Variants in MAD1L1 observed in about 807,000 individuals in gnomAD.
MAD1L1 encodes the protein mitotic arrest deficient 1 like 1, also known as mitotic spindle assembly checkpoint protein MAD1.
Under a neutral mutation model 96.9 loss-of-function variants are expected in MAD1L1, and 95 were observed. That is an observed-to-expected ratio of 0.98 (90% CI 0.83 to 1.16). MAD1L1 has a LOEUF of 1.16. MAD1L1 is among the 50% of genes most tolerant of loss of function. The pLI is 0.00. For synonymous variants in MAD1L1, 473 were observed against 396.6 expected, an observed-to-expected ratio of 1.19 and a Z score of -2.29; for missense variants, 1,007 against 954.4, an observed-to-expected ratio of 1.06 and a Z score of -0.73.
intron 17 of MAD1L1, among the ~76,000 whole-genome samples, chr7:1,900,957 T>C (rs1382574384): frequency 6.6e-6 from 1 of 151,938 alleles, no homozygotes; most frequent in Non-Finnish European, 1.5e-5. Flanking sequence ...CCACCACCCA[T>C]GCGGCTGGGA....
intron 12 of MAD1L1, among the ~76,000 whole-genome samples, chr7:2,056,004 A>AAAT (rs1562644019): frequency 3.3e-5 from 5 of 152,182 alleles, no homozygotes; most frequent in African/African-American, 1.2e-4. Context: ...AATAAATAAA[A>AAAT]AACACAAATC....
chr7:1,827,629 C>G (rs7776506), intron 18 of MAD1L1, among the ~76,000 whole-genome samples: 623 of 46,530 alleles, frequency 0.013, 46 homozygotes, highest in African/African-American at 0.038. Context: ...TCCTGAGCCC[C>G]GCCCGGGTGT....
chr7:2,119,413 C>T lies in MAD1L1; in HGVS notation c.1073+29739G>A, dbSNP rs983098360. On this transcript the variant is annotated intron_variant, in intron 11 of 18. Coordinates refer to ENST00000265854, the MANE Select transcript of MAD1L1 (RefSeq NM_001013836.2). The surrounding 1 kb of genome is among the most constrained non-coding windows in gnomAD (Gnocchi z 4.6). ...GAGTCCTCCATCTCCCACCCAGATG[C>T]GATGAGCAGGAGCTGTCGTGGGGCG... Among the ~76,000 whole-genome samples the T allele has an allele frequency of 2.0e-5, 3 of 152,296 alleles. No individual in the cohort carries two copies. The highest frequency in any genetic ancestry group is 1.9e-4 in the East Asian group (1 of 5,180).
intron 12 of MAD1L1, among the ~76,000 whole-genome samples, chr7:2,050,297 G>GA (rs1318705519): frequency 1.3e-5 from 2 of 152,248 alleles, no homozygotes; most frequent in Non-Finnish European, 2.9e-5. Flanking sequence ...TATGAGGCCA[G>GA]ACCAGAAACC....
intron 18 of MAD1L1, among the ~76,000 whole-genome samples, chr7:1,855,847 C>A (rs187270199): frequency 6.6e-6 from 1 of 152,200 alleles, no homozygotes; most frequent in African/African-American, 2.4e-5. Flanking sequence ...CTGCACCCCA[C>A]TCTTGGTACC....
intron 12 of MAD1L1, among the ~76,000 whole-genome samples, chr7:2,023,849 C>T (rs576634127): frequency 1.8e-4 from 28 of 151,740 alleles, no homozygotes; most frequent in Admixed American, 8.5e-4. Context: ...CTTGGAAGAC[C>T]GAGGCAGGAG....
At chr7:2,215,161 G>A (rs570603151) in intron 9 of MAD1L1, among the ~76,000 whole-genome samples, 2 of 152,164 alleles carry the variant, frequency 1.3e-5, no homozygotes, top group South Asian at 2.1e-4. Context: ...GGTGGATCAC[G>A]AGTTCCAAGA....
intron 17 of MAD1L1, among the ~76,000 whole-genome samples, chr7:1,901,593 C>G (rs1021514838): frequency 5.9e-5 from 9 of 152,254 alleles, no homozygotes; most frequent in African/African-American, 2.2e-4. Context: ...CTGCCCAGCC[C>G]GGCTCGCTGT....
intron 11 of MAD1L1, among the ~76,000 whole-genome samples, chr7:2,120,305 C>G (rs960069128): frequency 1.3e-5 from 2 of 152,248 alleles, no homozygotes; most frequent in East Asian, 3.9e-4. Flanking sequence ...TAAAGTCTGA[C>G]CCAGCTCAAC....
intron 14 of MAD1L1, among the ~76,000 whole-genome samples, chr7:1,985,646 A>G (rs1781105435): frequency 2.6e-5 from 4 of 152,232 alleles, no homozygotes; most frequent in Non-Finnish European, 4.4e-5. Context: ...TTTTGAATAC[A>G]TGACATGTAG....
chr7:1,828,474 G>T (rs1172310648), intron 18 of MAD1L1, among the ~76,000 whole-genome samples: 1 of 152,210 alleles, frequency 6.6e-6, no homozygotes, highest in African/African-American at 2.4e-5. Flanking sequence ...CTCACACTGG[G>T]CTGGACCAGT....
chr7:2,218,079 G>T (rs745906960), intron 6 of MAD1L1, 36 bp from the exon 7 acceptor site: 1 of 1,535,544 alleles, frequency 6.5e-7, no homozygotes, highest in Non-Finnish European at 9.0e-7. Flanking sequence ...ACAGAAACAG[G>T]CATGCGGCAA....
intron 14 of MAD1L1, among the ~76,000 whole-genome samples, chr7:1,998,045 C>G (rs756875599): frequency 3.3e-5 from 5 of 152,092 alleles, no homozygotes; most frequent in African/African-American, 1.2e-4. Context: ...GTGCTGCGTA[C>G]GATGAATAAG....
At chr7:2,085,199 G>C (rs755611640) in intron 11 of MAD1L1, among the ~76,000 whole-genome samples, 1 of 152,208 alleles carries the variant, frequency 6.6e-6, no homozygotes, top group Non-Finnish European at 1.5e-5. Context: ...CACCCACTGT[G>C]TATCAGCCAC....
At chr7:1,947,148 G>A (rs932600184) in intron 16 of MAD1L1, among the ~76,000 whole-genome samples, 7 of 152,218 alleles carry the variant, frequency 4.6e-5, no homozygotes, top group Non-Finnish European at 1.0e-4. Context: ...GGAAAGCCCT[G>A]AGCCCACGCC....
chr7:2,025,787 G>A (rs1428818778), intron 12 of MAD1L1, among the ~76,000 whole-genome samples: 1 of 152,128 alleles, frequency 6.6e-6, no homozygotes, highest in African/African-American at 2.4e-5. Context: ...AGGAAAAGAA[G>A]TATTAATTTT....
intron 11 of MAD1L1, among the ~76,000 whole-genome samples, chr7:2,140,686 A>C (rs1383218016): frequency 6.6e-6 from 1 of 152,202 alleles, no homozygotes; most frequent in Non-Finnish European, 1.5e-5. Context: ...TCCATGCCCA[A>C]CCTCGGCTGG....
chr7:2,084,142 G>T (rs1331906464), intron 11 of MAD1L1, among the ~76,000 whole-genome samples: 17 of 152,262 alleles, frequency 1.1e-4, no homozygotes, highest in Admixed American at 1.1e-3. Flanking sequence ...GTGTGCGGTG[G>T]ACACTCCGCA....
chr7:1,919,611 C>T (rs543645444), intron 17 of MAD1L1, among the ~76,000 whole-genome samples: 3 of 152,360 alleles, frequency 2.0e-5, no homozygotes, highest in South Asian at 4.1e-4. Context: ...CAGCCGCCAT[C>T]GTCGCCATCA....
Sources: allele counts gnomAD v4.1 joint callset (sites outside exome capture counted in the v4.1 genomes callset), GRCh38; gene constraint gnomAD v4.1.1; non-coding constraint Gnocchi (gnomAD v3.1); transcripts MANE v1.5; gene names NCBI Gene and HGNC (gene_info 2026-07-23, HGNC 2026-07-21).